Variants in LRMDA observed in about 807,000 individuals in gnomAD.
LRMDA encodes the protein leucine-rich melanocyte differentiation-associated protein.
In LRMDA, 18 loss-of-function variants were observed where a neutral mutation model predicts 29.8. The observed-to-expected ratio is 0.60, with a 90% CI of 0.42 to 0.90. The LOEUF is 0.90. Among genes scored for constraint, LRMDA ranks in the 40% least tolerant of loss-of-function variants. The pLI, the probability that LRMDA is intolerant of heterozygous loss-of-function variation, is 0.00. For missense variants in LRMDA, 273 were observed against 273.9 expected (o/e 1.00, Z 0.02); for synonymous variants, 125 against 109.4 (o/e 1.14, Z -0.89).
chr10:75,875,464 A>G (rs1172800237), intron 2 of LRMDA, among the ~76,000 whole-genome samples: 1 of 151,196 alleles, frequency 6.6e-6, no homozygotes, highest in Non-Finnish European at 1.5e-5. Context: ...ACGCAGATTC[A>G]CTCTTGTTGC....
At chr10:75,563,861 G>T (rs186543697) in intron 2 of LRMDA, among the ~76,000 whole-genome samples, 6,002 of 151,642 alleles carry the variant, frequency 0.04, 426 homozygotes, top group African/African-American at 0.14. Flanking sequence ...CGTGAACTGC[G>T]AATGCTGCTG....
At chr10:75,839,124 G>A (rs1187327251) in intron 2 of LRMDA, among the ~76,000 whole-genome samples, 2 of 152,246 alleles carry the variant, frequency 1.3e-5, no homozygotes, top group African/African-American at 4.8e-5. Context: ...TTGTTAAAGT[G>A]TAGCAGAAAG....
intron 2 of LRMDA, among the ~76,000 whole-genome samples, chr10:75,862,333 G>C (rs1844945977): frequency 6.6e-6 from 1 of 152,068 alleles, no homozygotes; most frequent in African/African-American, 2.4e-5. Flanking sequence ...CCTAAATTTA[G>C]TTCAGACTCA....
chr10:76,332,505 T>G (rs1840916687), intron 6 of LRMDA, among the ~76,000 whole-genome samples: 1 of 152,134 alleles, frequency 6.6e-6, no homozygotes, highest in Admixed American at 6.5e-5. Flanking sequence ...TGGATTTCAG[T>G]TTTCCCCTGC....
At chr10:76,002,710 G>A (rs542200765) in intron 2 of LRMDA, among the ~76,000 whole-genome samples, 1 of 152,312 alleles carries the variant, frequency 6.6e-6, no homozygotes, top group African/African-American at 2.4e-5. Flanking sequence ...CAGGCCAGGA[G>A]CATGTCTGGA....
At chr10:75,742,607 G>A (rs1842843295) in intron 2 of LRMDA, 1 of 152,230 alleles carries the variant, frequency 6.6e-6, no homozygotes. Context: ...AGAAGCCTCT[G>A]GAAGGACTCA....
chr10:75,525,598 T>C (rs1414875045), intron 2 of LRMDA, among the ~76,000 whole-genome samples: 2 of 149,740 alleles, frequency 1.3e-5, no homozygotes, highest in Admixed American at 6.6e-5. Context: ...CTTTCTTTTT[T>C]TTTTTTTTTT....
chr10:75,450,268 G>C (rs1239861827), intron 2 of LRMDA: 2 of 152,064 alleles, frequency 1.3e-5, no homozygotes, highest in Non-Finnish European at 2.9e-5. Context: ...GTTTCGCGTA[G>C]AGTGTTTTTT....
At chr10:75,505,476 A>G (rs922212032) in intron 2 of LRMDA, among the ~76,000 whole-genome samples, 10 of 152,152 alleles carry the variant, frequency 6.6e-5, no homozygotes, top group African/African-American at 1.9e-4. Flanking sequence ...ACAGTCACTA[A>G]ACAGAAAACG....
intron 2 of LRMDA, among the ~76,000 whole-genome samples, chr10:75,811,437 C>T (rs1843958513): frequency 6.6e-6 from 1 of 152,070 alleles, no homozygotes; most frequent in Non-Finnish European, 1.5e-5. Flanking sequence ...CTAACAGCTG[C>T]CTCAGGTGCT....
At chr10:75,973,309 C>T (rs1847011247) in intron 2 of LRMDA, among the ~76,000 whole-genome samples, 1 of 152,198 alleles carries the variant, frequency 6.6e-6, no homozygotes, top group Non-Finnish European at 1.5e-5. Context: ...TGCCTCAAGG[C>T]CTTAAGCCAT....
At chr10:76,091,478 C>G (rs1331283652) in intron 5 of LRMDA, among the ~76,000 whole-genome samples, 1 of 152,158 alleles carries the variant, frequency 6.6e-6, no homozygotes, top group Non-Finnish European at 1.5e-5. Context: ...ATTGAAGGAT[C>G]AGAAAGTAAA....
At chr10:76,105,335 A>G (rs1589328789) in intron 5 of LRMDA, among the ~76,000 whole-genome samples, 1 of 151,834 alleles carries the variant, frequency 6.6e-6, no homozygotes, top group East Asian at 1.9e-4. Context: ...CATCTTCACA[A>G]TAAGTGCCTG....
chr10:75,691,698 C>A (rs191757426), intron 2 of LRMDA, among the ~76,000 whole-genome samples: 110 of 152,070 alleles, frequency 7.2e-4, no homozygotes, highest in Admixed American at 3.2e-3. Context: ...GAGTCAGCTT[C>A]CTCATCAAGA....
rs536090272 is a variant in LRMDA at position 76,522,963 on chromosome 10, A to T, written c.602-34246A>T. Among the ~76,000 whole-genome samples the T allele has an allele frequency of 2.6e-5, 4 of 152,252 alleles. No homozygotes were observed. In the East Asian group the frequency reaches 7.7e-4, roughly 29 times the overall value. On this transcript the variant is annotated intron_variant, in intron 6 of 6. Transcript: ENST00000611255. ...ATGGACACTGTTACCAAAAGTTACC[A>T]ATATGCCTGGTGCCTTTGATATTTG...
intron 2 of LRMDA, among the ~76,000 whole-genome samples, chr10:75,744,690 C>G (rs1279288273): frequency 6.6e-6 from 1 of 152,120 alleles, no homozygotes; most frequent in Non-Finnish European, 1.5e-5. Flanking sequence ...TTAGATCTGC[C>G]AATTTGTAGT....
chr10:76,399,947 ATATCTGT>A (rs1201269946), intron 6 of LRMDA, among the ~76,000 whole-genome samples: 1 of 152,068 alleles, frequency 6.6e-6, no homozygotes, highest in Non-Finnish European at 1.5e-5. Flanking sequence ...GGTCCTTATA[ATATCTGT>A]TATCTGGTGT....
chr10:75,918,007 A>C (rs760673339), intron 2 of LRMDA, among the ~76,000 whole-genome samples: 8 of 152,088 alleles, frequency 5.3e-5, no homozygotes, highest in Non-Finnish European at 1.0e-4. Flanking sequence ...GGCCATGCCC[A>C]TTCCTGACAC....
chr10:75,938,147 A>G (rs74146998), intron 2 of LRMDA, among the ~76,000 whole-genome samples: 2,789 of 152,258 alleles, frequency 0.018, 67 homozygotes, highest in East Asian at 0.07. Context: ...TTGTTAGGTG[A>G]AATTTAAGGC....
Sources: allele counts gnomAD v4.1 joint callset (sites outside exome capture counted in the v4.1 genomes callset), GRCh38; gene constraint gnomAD v4.1.1; transcripts MANE v1.5; gene names NCBI Gene and HGNC (gene_info 2026-07-23, HGNC 2026-07-21).